TMEM45A: variants seen among roughly 807,000 people sequenced by gnomAD.
The protein encoded by TMEM45A is DNA polymerase-transactivated protein 4.
A neutral mutation model predicts 32.0 loss-of-function variants in TMEM45A; 25 were observed. That is an observed-to-expected ratio of 0.78 (90% CI 0.57 to 1.09). TMEM45A has a LOEUF of 1.09. Ranked by LOEUF, TMEM45A falls within the 50% of genes least tolerant of loss-of-function variation. TMEM45A has a pLI of 0.00. For missense variants in TMEM45A, 302 were observed against 325.0 expected, an observed-to-expected ratio of 0.93 and a Z score of 0.54; for synonymous variants, 122 against 114.8, an observed-to-expected ratio of 1.06 and a Z score of -0.40.
intron 1 of TMEM45A, among the ~76,000 whole-genome samples, chr3:100,543,392 T>C (rs1056757450): frequency 2.0e-5 from 3 of 152,216 alleles, no homozygotes; most frequent in Non-Finnish European, 2.9e-5. Context: ...GATTGTGTCA[T>C]ATGTGCATTT....
chr3:100,496,144 C>G (rs1158154779), intron 1 of TMEM45A, among the ~76,000 whole-genome samples: 2 of 152,138 alleles, frequency 1.3e-5, no homozygotes, highest in Non-Finnish European at 2.9e-5. Context: ...CCCTTGTGGT[C>G]CTCCTTGCCA....
chr3:100,561,756 G>A (rs947317657), intron 4 of TMEM45A, among the ~76,000 whole-genome samples: 1 of 152,100 alleles, frequency 6.6e-6, no homozygotes, highest in Admixed American at 6.5e-5. Context: ...GGACAATCAG[G>A]GAATGAGGAA....
intron 1 of TMEM45A, among the ~76,000 whole-genome samples, chr3:100,522,810 A>G (rs1411022020): frequency 6.6e-6 from 1 of 152,204 alleles, no homozygotes; most frequent in Non-Finnish European, 1.5e-5. Context: ...AGCATAGACC[A>G]CAATCTCAAG....
At chr3:100,523,693 CTCCTT>C (rs1705482241) in intron 1 of TMEM45A, among the ~76,000 whole-genome samples, 3 of 70,578 alleles carry the variant, frequency 4.3e-5, no homozygotes, top group Non-Finnish European at 7.0e-5. Flanking sequence ...TCTCCTCCTT[CTCCTT>C]CTCCTCCTCC....
At chr3:100,544,441 G>A (rs992657155) in intron 1 of TMEM45A, among the ~76,000 whole-genome samples, 1 of 152,038 alleles carries the variant, frequency 6.6e-6, no homozygotes, top group East Asian at 1.9e-4. Flanking sequence ...AAATGTATAT[G>A]GTTGTCTAAT....
intron 5 of TMEM45A, chr3:100,573,384 A>G (rs577099895): frequency 1.3e-5 from 2 of 152,266 alleles, no homozygotes; most frequent in East Asian, 3.9e-4. Flanking sequence ...GAGTTAATTC[A>G]TGATTTGGCT....
intron 1 of TMEM45A, among the ~76,000 whole-genome samples, chr3:100,511,227 G>A (rs1479221129): frequency 6.6e-6 from 1 of 152,134 alleles, no homozygotes; most frequent in Non-Finnish European, 1.5e-5. Context: ...CAGAGAGAAA[G>A]GTTGGGTTAC....
In TMEM45A at chr3:100,526,710, A is replaced by G. The variant is rs111456086; in HGVS notation, c.-3-28499A>G. On this transcript the variant is annotated intron_variant, in intron 1 of 5. Transcript: ENST00000323523. ...AAAAATTATCTGCCAAAAAAATTCT[A>G]GATTTTCTTTTCTCTTTCGAAATCC... 5.5e-3 allele frequency among the ~76,000 whole-genome samples: 834 copies of G among 152,306 alleles called. 9 individuals are homozygous for G. Among genetic ancestry groups the G allele is most frequent in the African/African-American group, 0.019 (801 of 41,560 alleles).
chr3:100,558,937 T>C (rs979821574), intron 4 of TMEM45A, among the ~76,000 whole-genome samples: 2 of 152,228 alleles, frequency 1.3e-5, no homozygotes, highest in Non-Finnish European at 2.9e-5. Flanking sequence ...AAACTGTTAT[T>C]TATTGAGAAA....
intron 1 of TMEM45A, among the ~76,000 whole-genome samples, chr3:100,497,419 A>G (rs755226335): frequency 1.2e-4 from 19 of 152,230 alleles, no homozygotes; most frequent in African/African-American, 1.9e-4. Flanking sequence ...CATAAAATTT[A>G]CCATCTTAAC....
At chr3:100,522,592 C>T (rs1229482553) in intron 1 of TMEM45A, among the ~76,000 whole-genome samples, 1 of 152,164 alleles carries the variant, frequency 6.6e-6, no homozygotes, top group Non-Finnish European at 1.5e-5. Context: ...TCACAGTATA[C>T]ATGGACATGA....
intron 4 of TMEM45A, 144 bp from the exon 5 acceptor site, chr3:100,568,678 A>G (rs1213618632): frequency 1.5e-6 from 1 of 681,212 alleles, no homozygotes; most frequent in African/African-American, 1.8e-5. Flanking sequence ...TAAAACAGGC[A>G]GCAAAACCTG....
At chr3:100,494,952 A>C (rs1707901726) in intron 1 of TMEM45A, among the ~76,000 whole-genome samples, 1 of 152,150 alleles carries the variant, frequency 6.6e-6, no homozygotes, top group Non-Finnish European at 1.5e-5. Flanking sequence ...GGTTGTCTCG[A>C]GTACTGAGTT....
intron 5 of TMEM45A, 152 bp from the exon 6 acceptor site, chr3:100,576,773 C>A: frequency 1.5e-6 from 1 of 654,948 alleles, no homozygotes. Context: ...AATTTTCAGG[C>A]AGCTCCAAAG....
chr3:100,574,419 C>A (rs189166689), intron 5 of TMEM45A: 1 of 152,104 alleles, frequency 6.6e-6, no homozygotes, highest in Admixed American at 6.6e-5. Flanking sequence ...ATAAATTCCT[C>A]GACACATACA....
intron 4 of TMEM45A, among the ~76,000 whole-genome samples, chr3:100,565,638 A>C (rs2148991748): frequency 6.6e-6 from 1 of 152,334 alleles, no homozygotes; most frequent in South Asian, 2.1e-4. Context: ...TGTAACTGAC[A>C]CATAGCCAAT....
In TMEM45A at chr3:100,554,174, CT is replaced by C. The variant is rs531566153; in HGVS notation, c.-3-1021del. Among the ~76,000 whole-genome samples, 835 of 141,306 alleles carry C rather than the reference CT, an allele frequency of 5.9e-3. 1 individual carries two copies. Among genetic ancestry groups the C allele is most frequent in the Middle Eastern group, 0.039 (11 of 280 alleles). The allele number at this position is 141,306 out of a possible 152,430, so 92.7% of individuals were successfully genotyped here. On this transcript the variant is annotated intron_variant, in intron 1 of 5. Transcript: ENST00000323523. ...CACGTAATTAAAAACTCACATAATT[CT>C]TTTTTTTTTTTTTAATAGCAGGGAC...
At chr3:100,513,674 G>T (rs1172546299) in intron 1 of TMEM45A, among the ~76,000 whole-genome samples, 3 of 151,324 alleles carry the variant, frequency 2.0e-5, no homozygotes, top group Non-Finnish European at 4.4e-5. Context: ...TAGGAAAAGA[G>T]GAAGTCAAAT....
intron 1 of TMEM45A, among the ~76,000 whole-genome samples, chr3:100,499,025 T>G (rs1242359035): frequency 6.6e-6 from 1 of 152,206 alleles, no homozygotes; most frequent in South Asian, 2.1e-4. Context: ...TTGTAAATCT[T>G]TTGCCCATTT....
Sources: gnomAD v4.1 joint callset for allele counts (sites outside exome capture counted in the v4.1 genomes callset) on GRCh38, gnomAD v4.1.1 for gene constraint, MANE v1.5 for transcripts, NCBI Gene and HGNC (gene_info 2026-07-23, HGNC 2026-07-21) for gene names.